The following ANKRD44 variants were observed in gnomAD, a reference collection of about 807,000 sequenced individuals.
The protein encoded by ANKRD44 is ankyrin repeat domain 44.
Under a neutral mutation model 116.0 loss-of-function variants are expected in ANKRD44, and 35 were observed. The observed-to-expected ratio is 0.30, with a 90% CI of 0.23 to 0.40. The LOEUF (loss-of-function observed/expected upper bound fraction) is 0.40. ANKRD44 is among the 10% of genes least tolerant of loss of function. ANKRD44 has a pLI of 1.00. For synonymous variants in ANKRD44, 435 were observed against 461.8 expected, an observed-to-expected ratio of 0.94 and a Z score of 0.74; for missense variants, 1,014 against 1,242.6, an observed-to-expected ratio of 0.82 and a Z score of 2.77.
At chr2:197,258,389 C>T (rs2105711047) in intron 1 of ANKRD44, among the ~76,000 whole-genome samples, 1 of 148,492 alleles carries the variant, frequency 6.7e-6, no homozygotes, top group Non-Finnish European at 1.5e-5. Context: ...TCCTGAAGTG[C>T]TGGGATTACT....
intron 16 of ANKRD44, chr2:197,029,635 GC>G (rs1468994239): frequency 8.3e-6 from 3 of 359,600 alleles, no homozygotes; most frequent in Non-Finnish European, 1.6e-5. Flanking sequence ...GTTTCTGAAG[GC>G]CTTCATGGTA....
chr2:197,108,841 AAACAACAACAAC>A (rs138617040), intron 9 of ANKRD44, among the ~76,000 whole-genome samples: 29 of 150,078 alleles, frequency 1.9e-4, no homozygotes, highest in South Asian at 6.3e-4. Flanking sequence ...GTGTCTTAAA[AAACAACAACAAC>A]AACAACAACA....
At chr2:196,996,773 G>T (rs1046275526) in intron 25 of ANKRD44, among the ~76,000 whole-genome samples, 1 of 151,910 alleles carries the variant, frequency 6.6e-6, no homozygotes, top group South Asian at 2.1e-4. Context: ...GCATGGTGGC[G>T]CATGCCTGTA....
intron 21 of ANKRD44, chr2:196,967,570 C>T: frequency 2.6e-6 from 1 of 379,560 alleles, no homozygotes; most frequent in Non-Finnish European, 5.5e-6. Flanking sequence ...ATGGGGAATG[C>T]TCAAGTAAGG....
rs577382783 is a variant in ANKRD44 at position 197,055,066 on chromosome 2, C to T, written c.1650+23637G>A. On this transcript the variant is annotated intron_variant, in intron 16 of 27. Coordinates refer to ENST00000282272, the MANE Select transcript of ANKRD44 (RefSeq NM_001195144.2). ...CTGAGACCTGTGATGGATTTCTAAC[C>T]TATAACACTGTAAGATAATGAATTT... 3.9e-5 allele frequency among the ~76,000 whole-genome samples: 6 copies of T among 152,184 alleles called. No homozygotes were observed. The East Asian group carries it at 1.2e-3, about 29-fold the overall frequency.
chr2:197,000,602 C>A, intron 22 of ANKRD44, 100 bp from the exon 23 acceptor site: 1 of 977,840 alleles, frequency 1.0e-6, no homozygotes, highest in Non-Finnish European at 1.6e-6. Flanking sequence ...CAATCTGAAG[C>A]ATTTAAAAAA....
intron 16 of ANKRD44, among the ~76,000 whole-genome samples, chr2:197,053,459 A>G (rs746023851): frequency 3.6e-4 from 55 of 152,140 alleles, no homozygotes; most frequent in Non-Finnish European, 7.2e-4. Context: ...CCCATTCTCT[A>G]ATTATAATTC....
intron 1 of ANKRD44, among the ~76,000 whole-genome samples, chr2:197,293,908 A>G (rs1239446294): frequency 1.3e-5 from 2 of 152,232 alleles, no homozygotes; most frequent in African/African-American, 2.4e-5. Context: ...GTGTTTATAC[A>G]GCATTTTAGG....
At chr2:197,069,336 T>C (rs540541652) in intron 16 of ANKRD44, among the ~76,000 whole-genome samples, 1 of 152,210 alleles carries the variant, frequency 6.6e-6, no homozygotes, top group Admixed American at 6.5e-5. Flanking sequence ...CATTAGGAGA[T>C]ATACCTAATG....
At chr2:197,175,350 C>A (rs1479691458) in intron 2 of ANKRD44, among the ~76,000 whole-genome samples, 1 of 152,110 alleles carries the variant, frequency 6.6e-6, no homozygotes, top group Non-Finnish European at 1.5e-5. Context: ...TGGAGTGTCC[C>A]CTGCTTGAAA....
intron 21 of ANKRD44, among the ~76,000 whole-genome samples, chr2:196,973,232 TTC>T (rs1287523684): frequency 2.0e-5 from 3 of 152,334 alleles, no homozygotes; most frequent in East Asian, 3.9e-4. Flanking sequence ...ATATTTAGAT[TTC>T]TTTTTCTGTA....
chr2:197,006,278 TA>T (rs998802417), intron 20 of ANKRD44, among the ~76,000 whole-genome samples: 1 of 151,396 alleles, frequency 6.6e-6, no homozygotes, highest in Non-Finnish European at 1.5e-5. Context: ...CCATCTCTAC[TA>T]AAAAAAATAC....
chr2:197,226,378 T>C (rs764089598), intron 1 of ANKRD44, among the ~76,000 whole-genome samples: 2 of 151,928 alleles, frequency 1.3e-5, no homozygotes, highest in Admixed American at 6.6e-5. Flanking sequence ...TTCTTAAGAG[T>C]TTCCCGACCA....
intron 8 of ANKRD44, among the ~76,000 whole-genome samples, chr2:197,115,150 GA>G (rs1444167909): frequency 2.0e-5 from 3 of 152,172 alleles, no homozygotes; most frequent in African/African-American, 7.2e-5. Context: ...AGACAGAAAA[GA>G]ATTGAGACCA....
chr2:196,997,408 T>A (rs1442449634), intron 25 of ANKRD44, among the ~76,000 whole-genome samples: 2 of 149,400 alleles, frequency 1.3e-5, no homozygotes, highest in Non-Finnish European at 3.0e-5. Context: ...ATATATATGA[T>A]ATAAAAGATA....
rs2081141699 is a variant in ANKRD44, at chr2:197,203,667, A to G, written c.28-16561T>C. ...AAACGTGTACCTAAATGTCCACAGC[A>G]GTACTATTCACAACAGTCAAAAGGT... On this transcript the variant is annotated intron_variant, in intron 1 of 27. Coordinates refer to ENST00000282272, the MANE Select transcript of ANKRD44 (RefSeq NM_001195144.2). This position sits in a 1 kb window ranked among gnomAD's most constrained non-coding sequence, Gnocchi z 4.1. 6.6e-6 allele frequency among the ~76,000 whole-genome samples: 1 copy of G among 152,246 alleles called. No homozygotes were observed. Among genetic ancestry groups the G allele is most frequent in the South Asian group, 2.1e-4 (1 of 4,834 alleles).
At chr2:197,060,112 C>T (rs964998096) in intron 16 of ANKRD44, among the ~76,000 whole-genome samples, 7 of 152,268 alleles carry the variant, frequency 4.6e-5, no homozygotes, top group African/African-American at 1.2e-4. Flanking sequence ...CATGTTTTAT[C>T]TTGGATAATG....
At chr2:197,105,624 T>C (rs1045047919) in intron 9 of ANKRD44, among the ~76,000 whole-genome samples, 1 of 152,236 alleles carries the variant, frequency 6.6e-6, no homozygotes, top group East Asian at 1.9e-4. Flanking sequence ...GGTGAGCATG[T>C]ACTAATTTTA....
At chr2:197,028,472 TCAACATCCAA>T (rs2124866055) in intron 16 of ANKRD44, among the ~76,000 whole-genome samples, 2 of 152,284 alleles carry the variant, frequency 1.3e-5, no homozygotes, top group East Asian at 3.9e-4. Context: ...ATGATGGTCG[TCAACATCCAA>T]CTCCAGCTTC....
Sources: allele counts gnomAD v4.1 joint callset (sites outside exome capture counted in the v4.1 genomes callset), GRCh38; gene constraint gnomAD v4.1.1; non-coding constraint Gnocchi (gnomAD v3.1); transcripts MANE v1.5; gene names NCBI Gene and HGNC (gene_info 2026-07-23, HGNC 2026-07-21).